Variants in ACAT2 observed in about 807,000 individuals in gnomAD.
The protein encoded by ACAT2 is acetyl-CoA acetyltransferase, cytosolic.
ACAT2 carries 26 observed loss-of-function variants against 37.1 expected under a neutral mutation model. The ratio of observed to expected loss-of-function variants is 0.70; its 90% CI spans 0.51 to 0.97. The LOEUF (loss-of-function observed/expected upper bound fraction) is 0.97. Ranked by LOEUF, ACAT2 falls within the 50% of genes least tolerant of loss-of-function variation. The probability of loss-of-function intolerance (pLI) is 0.00; values close to 1 mark genes in which losing one functional copy is unlikely to be tolerated. For missense variants in ACAT2, 468 were observed against 489.0 expected (o/e 0.96, Z 0.40); for synonymous variants, 156 against 163.6 (o/e 0.95, Z 0.35).
At chr6:159,772,878 C>CT (rs890561739) in intron 4 of ACAT2, among the ~76,000 whole-genome samples, 71 of 151,654 alleles carry the variant, frequency 4.7e-4, no homozygotes, top group Admixed American at 4.3e-3. Context: ...AAAGCAATAA[C>CT]TTTTTTGTGT....
chr6:159,778,709 T>G lies in ACAT2; in HGVS notation c.1074T>G (p.Ser358=). The change falls in exon 9 of 9, where the codon TCT becomes TCG. Residue 358 remains serine (S), a synonymous_variant. Transcript: ENST00000367048. Reference sequence around the variant, plus strand: ...CCTTGGGCCACCCTCTTGGAGCATCTGGCTGTCGAATTCTTGTGACCCTGT... The same window carrying G: ...CCTTGGGCCACCCTCTTGGAGCATCGGGCTGTCGAATTCTTGTGACCCTGT... ...AIALGHPLGA[S]GCRILVTLLH... 1 of 1,614,270 alleles carries G rather than the reference T, an allele frequency of 6.2e-7. No homozygotes were observed. The highest frequency in any genetic ancestry group is 8.5e-7 in the Non-Finnish European group (1 of 1,180,044).
chr6:159,764,732 C>T (rs540188692), intron 2 of ACAT2, among the ~76,000 whole-genome samples: 12 of 152,240 alleles, frequency 7.9e-5, no homozygotes, highest in East Asian at 5.8e-4. Context: ...CTGGGACTAC[C>T]GGTGCATGTC....
In ACAT2 at chr6:159,778,940, CA is replaced by C; in HGVS notation, c.*116del. 1.3e-6 allele frequency: 2 copies of C among 1,560,198 alleles called. No homozygotes were observed. The highest frequency in any genetic ancestry group is 1.2e-5 in the South Asian group (1 of 83,296). Reference sequence around the variant, plus strand: ...CAGATGGAAACCATTTCCTACATCACAAAAACCCAAGTTTACAGCTTGTACT... The same window carrying C: ...CAGATGGAAACCATTTCCTACATCACAAAACCCAAGTTTACAGCTTGTACT... On this transcript the variant is annotated 3_prime_UTR_variant, in exon 9 of 9. Transcript: ENST00000367048.
chr6:159,768,914 G>C (rs1227566955), intron 4 of ACAT2, among the ~76,000 whole-genome samples: 1 of 152,200 alleles, frequency 6.6e-6, no homozygotes, highest in Non-Finnish European at 1.5e-5. Context: ...GGCAGAGGTA[G>C]TGACAGAGAT....
chr6:159,767,890 C>CTTT (rs910434785), intron 3 of ACAT2, among the ~76,000 whole-genome samples: 1 of 152,166 alleles, frequency 6.6e-6, no homozygotes, highest in Non-Finnish European at 1.5e-5. Flanking sequence ...TTACCAGGTG[C>CTTT]TTTTGTACAT....
At chr6:159,762,696 T>G (rs1180517057) in intron 1 of ACAT2, 1 of 1,511,422 alleles carries the variant, frequency 6.6e-7, no homozygotes, top group African/African-American at 1.4e-5. Flanking sequence ...GCGGCGTCCC[T>G]AGGCCGTTCT....
At position 159,775,063 on chromosome 6, in the gene ACAT2, T is replaced by C. The variant is rs1439811467; in HGVS notation, c.491-107T>C. 8.5e-6 allele frequency: 11 copies of C among 1,293,844 alleles called. No homozygotes were observed. In the East Asian group the frequency reaches 2.0e-4, roughly 24 times the overall value. The allele number at this position is 1,293,844 out of a possible 1,614,324, so 80.1% of individuals were successfully genotyped here. ...AGCATTGCACAGGCCACCATGAGCC[T>C]GCTAGCATATGTGGTCAGTCAGTGC... On this transcript the variant is annotated intron_variant, in intron 4 of 8. Transcript: ENST00000367048.
intron 1 of ACAT2, chr6:159,762,463 T>G: frequency 7.5e-7 from 1 of 1,329,926 alleles, no homozygotes. Context: ...ATTGGCCGGC[T>G]CCGGGAGGCG....
At chr6:159,769,457 G>A (rs1224570543) in intron 4 of ACAT2, among the ~76,000 whole-genome samples, 1 of 152,074 alleles carries the variant, frequency 6.6e-6, no homozygotes, top group East Asian at 1.9e-4. Flanking sequence ...TGGATTGAAT[G>A]GTACTCTTCC....
At chr6:159,765,532 C>A (rs1029784982) in intron 2 of ACAT2, among the ~76,000 whole-genome samples, 1 of 151,904 alleles carries the variant, frequency 6.6e-6, no homozygotes, top group Non-Finnish European at 1.5e-5. Context: ...CAGGTTCAAG[C>A]AATTCTCCTG....
intron 7 of ACAT2, 82 bp from the exon 8 acceptor site, chr6:159,778,088 T>C: frequency 1.1e-6 from 1 of 882,114 alleles, no homozygotes; most frequent in Non-Finnish European, 1.8e-6. Flanking sequence ...TCATGCAGCA[T>C]ATATTTATGT....
chr6:159,762,116 T>C lies in ACAT2; in HGVS notation c.29T>C (p.Ile10Thr). The C allele has an allele frequency of 6.2e-7, 1 of 1,612,946 alleles. No homozygotes were observed. The highest frequency in any genetic ancestry group is 8.5e-7 in the Non-Finnish European group (1 of 1,179,538). MNAGSDPVV[I>T]VSAARTIIGS... Reference sequence around the variant, plus strand: ...AATGCAGGCTCAGATCCTGTGGTCATCGTCTCGGCGGCGCGGACCATCATA... The same window carrying C: ...AATGCAGGCTCAGATCCTGTGGTCACCGTCTCGGCGGCGCGGACCATCATA... Residue 10 changes from isoleucine (I) to threonine (T), a missense_variant, in exon 1 of 9, where the codon ATC becomes ACC. Ile to Thr is a moderately conservative substitution (Grantham distance 89). Coordinates refer to ENST00000367048, the MANE Select transcript of ACAT2 (RefSeq NM_005891.3).
chr6:159,766,406 CT>C (rs1246453909), intron 2 of ACAT2, among the ~76,000 whole-genome samples: 75 of 145,556 alleles, frequency 5.2e-4, no homozygotes, highest in African/African-American at 5.7e-4. Flanking sequence ...CCCCCCCGCA[CT>C]TTTTTTTTTT....
At chr6:159,772,809 C>CA (rs79050096) in intron 4 of ACAT2, among the ~76,000 whole-genome samples, 1,644 of 119,180 alleles carry the variant, frequency 0.014, 15 homozygotes, top group Middle Eastern at 0.085. Context: ...CATCATCCAA[C>CA]AAAAAAAAAA....
At chr6:159,762,250 C>A in intron 1 of ACAT2, 108 bp downstream of exon 1, 2 of 1,390,176 alleles carry the variant, frequency 1.4e-6, no homozygotes, top group South Asian at 2.9e-5. Context: ...GGAAGCCGGT[C>A]AGGCCAAGCC....
intron 7 of ACAT2, 58 bp downstream of exon 7, chr6:159,777,514 C>A (rs1313994445): frequency 1.3e-6 from 2 of 1,528,424 alleles, no homozygotes; most frequent in Non-Finnish European, 8.8e-7. Context: ...CTTAAGTGAG[C>A]TTATTCATGT....
chr6:159,765,662 C>A (rs946832401), intron 2 of ACAT2, among the ~76,000 whole-genome samples: 2 of 104,334 alleles, frequency 1.9e-5, no homozygotes, highest in Non-Finnish European at 4.0e-5. Flanking sequence ...AAACTCCTGA[C>A]CTCAAGTAAT....
In ACAT2 at chr6:159,775,161, C is replaced by T; in HGVS notation, c.491-9C>T. On this transcript the variant is annotated splice_polypyrimidine_tract_variant and intron_variant, in intron 4 of 8. Transcript: ENST00000367048. ...ATGTTAGTTTTTTGCTGTTTTTCTCCTTTCCCAGCTGAAAATGTAGCCAAA... is the reference window on the plus strand; with the variant it reads ...ATGTTAGTTTTTTGCTGTTTTTCTCTTTTCCCAGCTGAAAATGTAGCCAAA... 1 of 1,611,160 alleles carries T rather than the reference C, an allele frequency of 6.2e-7. No homozygotes were observed. Among genetic ancestry groups the T allele is most frequent in the Non-Finnish European group, 8.5e-7 (1 of 1,179,122 alleles).
At chr6:159,773,479 C>T (rs1780369213) in intron 4 of ACAT2, among the ~76,000 whole-genome samples, 1 of 152,140 alleles carries the variant, frequency 6.6e-6, no homozygotes, top group African/African-American at 2.4e-5. Context: ...AGGACATGCT[C>T]AGGGACATGT....
Sources: allele counts gnomAD v4.1 joint callset (sites outside exome capture counted in the v4.1 genomes callset), GRCh38; gene constraint gnomAD v4.1.1; transcripts MANE v1.5; gene names NCBI Gene and HGNC (gene_info 2026-07-23, HGNC 2026-07-21).